UHRF2: variants seen among roughly 807,000 people sequenced by gnomAD.
The protein encoded by UHRF2 is E3 ubiquitin-protein ligase UHRF2.
In UHRF2, 23 loss-of-function variants were observed where a neutral mutation model predicts 96.8. The ratio of observed to expected loss-of-function variants is 0.24; its 90% CI spans 0.17 to 0.34. The LOEUF is 0.34. Among genes scored for constraint, UHRF2 ranks in the 10% least tolerant of loss-of-function variants. UHRF2 has a pLI of 1.00. For missense variants in UHRF2, 685 were observed against 981.5 expected, an observed-to-expected ratio of 0.70 and a Z score of 4.04; for synonymous variants, 385 against 332.6, an observed-to-expected ratio of 1.16 and a Z score of -1.72.
chr9:6,464,964 A>G (rs1822771482), intron 4 of UHRF2, among the ~76,000 whole-genome samples: 1 of 152,208 alleles, frequency 6.6e-6, no homozygotes, highest in South Asian at 2.1e-4. Context: ...TAGATTTACT[A>G]ATTTTAATTT....
chr9:6,484,919 A>G (rs1230020347), intron 8 of UHRF2, among the ~76,000 whole-genome samples: 3 of 146,714 alleles, frequency 2.0e-5, no homozygotes, highest in African/African-American at 7.6e-5. Context: ...TCAGCCTCCC[A>G]AGTAGCTGGT....
chr9:6,444,112 C>T, intron 3 of UHRF2, among the ~76,000 whole-genome samples: 1 of 152,116 alleles, frequency 6.6e-6, no homozygotes, highest in East Asian at 1.9e-4. Flanking sequence ...GTAATTATTT[C>T]TAGGTTTTGA....
intron 3 of UHRF2, among the ~76,000 whole-genome samples, chr9:6,455,466 A>C (rs968338595): frequency 6.6e-6 from 1 of 152,006 alleles, no homozygotes; most frequent in African/African-American, 2.4e-5. Flanking sequence ...AAGGACATGC[A>C]CTTATCCTTT....
At chr9:6,491,872 G>T (rs887460082) in intron 9 of UHRF2, among the ~76,000 whole-genome samples, 27 of 152,158 alleles carry the variant, frequency 1.8e-4, no homozygotes, top group African/African-American at 6.0e-4. Context: ...AATTTAGGCT[G>T]ATTATTTTTC....
chr9:6,481,094 A>G (rs1190374244), intron 6 of UHRF2, among the ~76,000 whole-genome samples: 1 of 152,206 alleles, frequency 6.6e-6, no homozygotes. Context: ...TACGAAATAC[A>G]AGTTACAGTA....
At chr9:6,449,405 T>G (rs995662981) in intron 3 of UHRF2, 7 of 152,234 alleles carry the variant, frequency 4.6e-5, no homozygotes, top group African/African-American at 1.7e-4. Flanking sequence ...CCTTCCTTCT[T>G]TCAAAATGAT....
intron 6 of UHRF2, 78 bp from the exon 7 acceptor site, chr9:6,481,565 C>T: frequency 1.3e-6 from 2 of 1,532,610 alleles, no homozygotes; most frequent in Admixed American, 2.0e-5. Flanking sequence ...CTTGCTCTTA[C>T]CTAGGAAGGC....
At chr9:6,418,100 C>A (rs989944000) in intron 1 of UHRF2, among the ~76,000 whole-genome samples, 1 of 151,992 alleles carries the variant, frequency 6.6e-6, no homozygotes, top group Non-Finnish European at 1.5e-5. Context: ...TTGTATGTTA[C>A]GCTTTTTCAG....
intron 10 of UHRF2, chr9:6,494,222 A>C (rs979758397): frequency 4.1e-5 from 12 of 292,208 alleles, no homozygotes; most frequent in Non-Finnish European, 7.6e-5. Flanking sequence ...GAAATTGAGA[A>C]TAAGGTGGCT....
rs374758504 is a variant in UHRF2 at position 6,481,781 on chromosome 9, C to A, written c.1284+15C>A. The A allele has an allele frequency of 3.8e-6, 6 of 1,599,850 alleles. No homozygotes were observed. In the Admixed American group the frequency reaches 5.5e-5, roughly 15 times the overall value. ...ACTGGGGCAGGGTAAAGAAGAAATT[C>A]CCCTTTTCTTCCTAATAGCAAGTTA... On this transcript the variant is annotated intron_variant, in intron 7 of 15. Coordinates refer to ENST00000276893, the MANE Select transcript of UHRF2 (RefSeq NM_152896.3).
chr9:6,491,203 G>A (rs1325023283), intron 9 of UHRF2, among the ~76,000 whole-genome samples: 1 of 152,208 alleles, frequency 6.6e-6, no homozygotes. Flanking sequence ...TCAGTGTTCA[G>A]GAGAAGACTC....
chr9:6,421,269 C>G (rs1214281612), intron 2 of UHRF2, 127 bp downstream of exon 2: 4 of 730,714 alleles, frequency 5.5e-6, no homozygotes, highest in East Asian at 2.7e-5. Flanking sequence ...AATATCATAA[C>G]TTTTAAAAGT....
intron 3 of UHRF2, among the ~76,000 whole-genome samples, chr9:6,450,308 C>T (rs1270353190): frequency 3.5e-5 from 5 of 141,308 alleles, no homozygotes; most frequent in Admixed American, 2.8e-4. Flanking sequence ...TCCCCTTCCC[C>T]CCCCCCCATT....
chr9:6,453,676 G>A (rs142523112), intron 3 of UHRF2, among the ~76,000 whole-genome samples: 13 of 152,258 alleles, frequency 8.5e-5, no homozygotes, highest in African/African-American at 2.9e-4. Flanking sequence ...TGGCCAAGGC[G>A]GGCAGATCAC....
Position 6,481,751 on chromosome 9 carries a change from A to G in UHRF2, c.1269A>G (p.Arg423=). 6.2e-7 allele frequency: 1 copy of G among 1,613,656 alleles called. No individual in the cohort carries two copies. Among genetic ancestry groups the G allele is most frequent in the African/African-American group, 1.3e-5 (1 of 75,016 alleles). ...TGCCGTCAGCTAGTACTGAAAGCCGAAGAGACTGGGGCAGGGTAAAGAAGA... is the reference window on the plus strand; with the variant it reads ...TGCCGTCAGCTAGTACTGAAAGCCGGAGAGACTGGGGCAGGGTAAAGAAGA... The part of the protein sequence containing the change: ...AKMPSASTES[R]RDWGRGMACV... Residue 423 remains arginine (R), a synonymous_variant, in exon 7 of 16, where the codon CGA becomes CGG. Transcript: ENST00000276893.
chr9:6,453,322 T>C (rs569638967), intron 3 of UHRF2, among the ~76,000 whole-genome samples: 25 of 152,322 alleles, frequency 1.6e-4, no homozygotes, highest in South Asian at 1.0e-3. Flanking sequence ...ATGGAGGTGG[T>C]TCTTTTGCCA....
chr9:6,430,551 G>A (rs143802216), intron 2 of UHRF2, among the ~76,000 whole-genome samples: 1 of 152,192 alleles, frequency 6.6e-6, no homozygotes, highest in African/African-American at 2.4e-5. Context: ...TGATCAGTGA[G>A]CCTGCCTTTT....
rs1360909402 is a variant in UHRF2, at chr9:6,478,615, T to TA, written c.1160+809dup. Among the ~76,000 whole-genome samples the TA allele has an allele frequency of 4.6e-5, 7 of 152,232 alleles. No individual in the cohort carries two copies. The East Asian group carries it at 1.3e-3, about 29-fold the overall frequency. ...AAAGTTGAACCTTTTAATACCATGT[T>TA]AAGGAGGTTTTTTCTTTTTAAACTA... On this transcript the variant is annotated intron_variant, in intron 6 of 15. Coordinates refer to ENST00000276893, the MANE Select transcript of UHRF2 (RefSeq NM_152896.3).
chr9:6,506,279 C>G lies in UHRF2; in HGVS notation c.*100C>G. The G allele has an allele frequency of 6.8e-7, 1 of 1,460,830 alleles. No homozygotes were observed. Among genetic ancestry groups the G allele is most frequent in the Non-Finnish European group, 9.3e-7 (1 of 1,077,472 alleles). 90.5% of individuals were successfully genotyped at this position (1,460,830 alleles called of 1,614,324 possible). A position where few individuals can be genotyped will look rare whatever the true frequency, so the allele number is the denominator to read the frequency against. The stretch of plus-strand genomic sequence containing the variant: ...AAGAAATGGTGGACTGTATCTCTCA[C>G]GTTCTGAAGCAGCTAATCCTCTTTC... On this transcript the variant is annotated 3_prime_UTR_variant, in exon 16 of 16. Coordinates refer to ENST00000276893, the MANE Select transcript of UHRF2 (RefSeq NM_152896.3).
Sources: allele counts gnomAD v4.1 joint callset (sites outside exome capture counted in the v4.1 genomes callset), GRCh38; gene constraint gnomAD v4.1.1; transcripts MANE v1.5; gene names NCBI Gene and HGNC (gene_info 2026-07-23, HGNC 2026-07-21).